Variants in CDK14 observed in about 807,000 individuals in gnomAD.
The protein encoded by CDK14 is cyclin dependent kinase 14.
A neutral mutation model predicts 60.7 loss-of-function variants in CDK14; 34 were observed. The observed-to-expected ratio is 0.56, with a 90% CI of 0.43 to 0.75. CDK14 has a LOEUF of 0.75. Ranked by LOEUF, CDK14 falls within the 30% of genes least tolerant of loss-of-function variation. The probability of loss-of-function intolerance (pLI) is 0.00; values close to 1 mark genes in which losing one functional copy is unlikely to be tolerated. For synonymous variants in CDK14, 197 were observed against 203.7 expected (o/e 0.97, Z 0.28); for missense variants, 482 against 564.1 (o/e 0.85, Z 1.47).
chr7:90,738,642 A>G, intron 3 of CDK14, among the ~76,000 whole-genome samples: 1 of 152,190 alleles, frequency 6.6e-6, no homozygotes, highest in Non-Finnish European at 1.5e-5. Context: ...CTGTATTTCC[A>G]CGTCTCTAAA....
chr7:90,963,433 A>G (rs1409269786), intron 9 of CDK14, among the ~76,000 whole-genome samples: 1 of 152,064 alleles, frequency 6.6e-6, no homozygotes, highest in African/African-American at 2.4e-5. Flanking sequence ...TTAAAAAAAA[A>G]TAGAAGTACA....
At chr7:90,693,157 C>G (rs371314581) in intron 2 of CDK14, among the ~76,000 whole-genome samples, 182 of 152,210 alleles carry the variant, frequency 1.2e-3, no homozygotes, top group African/African-American at 4.2e-3. Flanking sequence ...AGTGGTTGCT[C>G]TGTGTATTCT....
intron 2 of CDK14, among the ~76,000 whole-genome samples, chr7:90,607,645 TTGTG>T (rs770285539): frequency 6.6e-6 from 1 of 152,156 alleles, no homozygotes; most frequent in Non-Finnish European, 1.5e-5. Context: ...ACGTGTGTGT[TTGTG>T]TGTGTGTTTA....
intron 5 of CDK14, among the ~76,000 whole-genome samples, chr7:90,860,609 T>A (rs887762678): frequency 5.5e-5 from 8 of 144,532 alleles, no homozygotes; most frequent in African/African-American, 2.0e-4. Context: ...CACTGCAACC[T>A]CCACCTCCCA....
At chr7:91,184,402 A>G (rs1802106226) in intron 14 of CDK14, among the ~76,000 whole-genome samples, 1 of 152,188 alleles carries the variant, frequency 6.6e-6, no homozygotes, top group Admixed American at 6.5e-5. Flanking sequence ...TGTGCTGGGT[A>G]AGTTCGGAGA....
chr7:90,738,180 C>A (rs1079528), intron 3 of CDK14, among the ~76,000 whole-genome samples: 1 of 152,176 alleles, frequency 6.6e-6, no homozygotes, highest in Non-Finnish European at 1.5e-5. Flanking sequence ...ATAATCTTGG[C>A]TTGAATTCTA....
At chr7:90,768,129 G>T (rs547448405) in intron 4 of CDK14, among the ~76,000 whole-genome samples, 1 of 152,290 alleles carries the variant, frequency 6.6e-6, no homozygotes, top group East Asian at 1.9e-4. Context: ...TTGACCCTCT[G>T]TTAAAAAAGG....
chr7:90,727,490 T>C (rs912171653), intron 3 of CDK14, among the ~76,000 whole-genome samples: 1 of 152,160 alleles, frequency 6.6e-6, no homozygotes, highest in African/African-American at 2.4e-5. Flanking sequence ...ATATTTCTAT[T>C]CTCAAATACA....
intron 8 of CDK14, among the ~76,000 whole-genome samples, chr7:90,930,529 C>CTTTTTT (rs61187542): frequency 1.7e-4 from 14 of 81,380 alleles, no homozygotes; most frequent in African/African-American, 3.5e-4. Flanking sequence ...ACAGGCTAAG[C>CTTTTTT]TTTTTTTTTT....
chr7:90,871,720 G>C (rs1791377893), intron 6 of CDK14, among the ~76,000 whole-genome samples: 1 of 152,130 alleles, frequency 6.6e-6, no homozygotes, highest in Non-Finnish European at 1.5e-5. Flanking sequence ...TGTAATTTAG[G>C]TTATGTGCTG....
At chr7:90,756,998 T>A (rs1804088833) in intron 4 of CDK14, among the ~76,000 whole-genome samples, 3 of 152,206 alleles carry the variant, frequency 2.0e-5, no homozygotes, top group Admixed American at 2.0e-4. Flanking sequence ...TCCCACAATC[T>A]GGGTGGCTTA....
chr7:91,072,105 C>T (rs1798165428), intron 11 of CDK14, among the ~76,000 whole-genome samples: 2 of 152,162 alleles, frequency 1.3e-5, no homozygotes, highest in African/African-American at 4.8e-5. Context: ...CTGAGGAACC[C>T]AGGCAGCCCA....
chr7:91,200,888 A>G (rs1274912259), intron 14 of CDK14, among the ~76,000 whole-genome samples: 4 of 152,378 alleles, frequency 2.6e-5, no homozygotes, highest in South Asian at 2.1e-4. Context: ...ATGTGACTGG[A>G]CAGGCACAAA....
At chr7:90,650,860 C>T (rs1033024284) in intron 2 of CDK14, among the ~76,000 whole-genome samples, 1 of 152,142 alleles carries the variant, frequency 6.6e-6, no homozygotes, top group East Asian at 1.9e-4. Context: ...GTTACTGTAG[C>T]CTTGTAGTAT....
intron 10 of CDK14, among the ~76,000 whole-genome samples, chr7:91,013,604 C>A (rs938803427): frequency 4.0e-5 from 6 of 151,170 alleles, no homozygotes; most frequent in African/African-American, 1.5e-4. Context: ...TGGCAATTAC[C>A]AGTGTTTTTA....
chr7:91,104,158 C>T (rs1402326209), intron 12 of CDK14, among the ~76,000 whole-genome samples: 2 of 152,074 alleles, frequency 1.3e-5, no homozygotes, highest in Non-Finnish European at 2.9e-5. Flanking sequence ...GTCCCACATA[C>T]CCTTCCAGGT....
intron 14 of CDK14, among the ~76,000 whole-genome samples, chr7:91,174,861 G>T (rs1801670930): frequency 9.1e-6 from 1 of 110,034 alleles, no homozygotes; most frequent in African/African-American, 4.0e-5. Context: ...GTGGAGAATG[G>T]AACCAAGTTG....
intron 14 of CDK14, among the ~76,000 whole-genome samples, chr7:91,128,220 A>T (rs1276413010): frequency 6.6e-6 from 1 of 152,198 alleles, no homozygotes; most frequent in Non-Finnish European, 1.5e-5. Context: ...TTGTTTTATC[A>T]AGCAGCCTCA....
chr7:91,200,476 G>A (rs1034787772), intron 14 of CDK14, among the ~76,000 whole-genome samples: 1 of 152,204 alleles, frequency 6.6e-6, no homozygotes, highest in Non-Finnish European at 1.5e-5. Context: ...CGTCTTGTAA[G>A]TTTGTTTTTT....
Sources: allele counts gnomAD v4.1 joint callset (sites outside exome capture counted in the v4.1 genomes callset), GRCh38; gene constraint gnomAD v4.1.1; transcripts MANE v1.5; gene names NCBI Gene and HGNC (gene_info 2026-07-23, HGNC 2026-07-21).